The following CACNA1H variants were observed in gnomAD, a reference collection of about 807,000 sequenced individuals.
The protein encoded by CACNA1H is voltage-dependent T-type calcium channel subunit alpha-1H.
Under a neutral mutation model 192.5 loss-of-function variants are expected in CACNA1H, and 149 were observed. The ratio of observed to expected loss-of-function variants is 0.77; its 90% CI spans 0.68 to 0.89. The LOEUF (loss-of-function observed/expected upper bound fraction) is 0.89. Among genes scored for constraint, CACNA1H ranks in the 40% least tolerant of loss-of-function variants. CACNA1H has a pLI of 0.00. For synonymous variants in CACNA1H, 2,202 were observed against 1,475.2 expected, an observed-to-expected ratio of 1.49 and a Z score of -11.29; for missense variants, 4,257 against 3,423.5, an observed-to-expected ratio of 1.24 and a Z score of -6.08.
chr16:1,182,171 T>G (rs755662677), intron 2 of CACNA1H, among the ~76,000 whole-genome samples: 3 of 152,136 alleles, frequency 2.0e-5, no homozygotes, highest in Admixed American at 6.5e-5. Context: ...TGTGATTGTT[T>G]TGGCCCCTCC....
chr16:1,182,500 CGGCTGG>C (rs961356385), intron 2 of CACNA1H, among the ~76,000 whole-genome samples: 8 of 152,138 alleles, frequency 5.3e-5, no homozygotes, highest in Non-Finnish European at 1.2e-4. Flanking sequence ...CCCGCGGCGC[CGGCTGG>C]AGACAAACAC....
At chr16:1,206,675 C>A in intron 12 of CACNA1H, 1 of 425,530 alleles carries the variant, frequency 2.4e-6, no homozygotes, top group South Asian at 3.1e-5. Context: ...CCAGGCAGGC[C>A]GGGCTTTCAC....
chr16:1,188,913 C>T (rs1266914316), intron 2 of CACNA1H, among the ~76,000 whole-genome samples: 1 of 152,226 alleles, frequency 6.6e-6, no homozygotes, highest in African/African-American at 2.4e-5. Flanking sequence ...CACTGCCCGC[C>T]CTGCGTCCAC....
chr16:1,172,174 G>A (rs941919805), intron 2 of CACNA1H, among the ~76,000 whole-genome samples: 3 of 152,202 alleles, frequency 2.0e-5, no homozygotes, highest in Non-Finnish European at 4.4e-5. Flanking sequence ...AGGGGCGAGA[G>A]TGGCTGCGTG....
At chr16:1,188,867 C>G (rs1391717234) in intron 2 of CACNA1H, among the ~76,000 whole-genome samples, 2 of 152,230 alleles carry the variant, frequency 1.3e-5, no homozygotes, top group Non-Finnish European at 2.9e-5. Flanking sequence ...CCAGGCGAGG[C>G]TGCTGATTCA....
chr16:1,194,792 G>A (rs1052390241), intron 2 of CACNA1H, among the ~76,000 whole-genome samples, 180 bp from the exon 3 acceptor site: 23 of 152,242 alleles, frequency 1.5e-4, no homozygotes, highest in African/African-American at 5.1e-4. Flanking sequence ...GGCCCCAGGC[G>A]CCACCTGGTG....
intron 12 of CACNA1H, chr16:1,206,637 G>A (rs910052092): frequency 2.4e-6 from 1 of 422,138 alleles, no homozygotes; most frequent in Non-Finnish European, 4.3e-6. Flanking sequence ...CTGGAGCTCA[G>A]GGTCAGGGTC....
At position 1,213,775 on chromosome 16, in the gene CACNA1H, C is replaced by A. The variant is rs72552061; in HGVS notation, c.4778-5C>A. The A allele has an allele frequency of 1.3e-6, 2 of 1,547,638 alleles. No individual in the cohort carries two copies. Among genetic ancestry groups the A allele is most frequent in the Non-Finnish European group, 8.7e-7 (1 of 1,148,692 alleles). ...GCCCGGCGCTCATGGCCGCCCTCCC[C>A]GCAGAGGCCCAGCGCCGGCCCTACT... On this transcript the variant is annotated splice_region_variant and splice_polypyrimidine_tract_variant and intron_variant, in intron 26 of 34. Transcript: ENST00000348261.
At chr16:1,165,571 A>G (rs1412228718) in intron 2 of CACNA1H, among the ~76,000 whole-genome samples, 3 of 152,090 alleles carry the variant, frequency 2.0e-5, no homozygotes, top group Admixed American at 6.5e-5. Flanking sequence ...GCATCTGGGC[A>G]TGGGAATTCA....
At chr16:1,208,904 C>G in intron 16 of CACNA1H, 128 bp from the exon 17 acceptor site, 1 of 1,022,230 alleles carries the variant, frequency 9.8e-7, no homozygotes, top group Non-Finnish European at 1.3e-6. Context: ...CAGCCTCCAC[C>G]GTGCCTCCCT....
At chr16:1,197,991 G>A (rs901336337) in intron 5 of CACNA1H, among the ~76,000 whole-genome samples, 3 of 152,124 alleles carry the variant, frequency 2.0e-5, no homozygotes, top group African/African-American at 7.2e-5. Flanking sequence ...AGCCGCTGCC[G>A]GTCCTCCCCA....
At position 1,220,075 on chromosome 16, in the gene CACNA1H, C is replaced by T. The variant is rs535814707; in HGVS notation, c.6143C>T (p.Pro2048Leu). The T allele has an allele frequency of 1.6e-5, 23 of 1,446,134 alleles. No homozygotes were observed. The East Asian group carries it at 1.9e-4, about 12-fold the overall frequency. The allele number at this position is 1,446,134 out of a possible 1,614,324, so 89.6% of individuals were successfully genotyped here. The change falls in exon 35 of 35, where the codon CCG becomes CTG. Residue 2048 changes from proline to leucine, a missense_variant. Transcript: ENST00000348261. Reference sequence around the variant, plus strand: ...CCTGGTGAGAAAACCCCGGTGAGGCCGGTGACCCAGGGGGGCTCCCTGCAG... The same window carrying T: ...CCTGGTGAGAAAACCCCGGTGAGGCTGGTGACCCAGGGGGGCTCCCTGCAG... ...AEPGEKTPVRPVTQGGSLQSP... is the reference protein window; with the variant it reads ...AEPGEKTPVRLVTQGGSLQSP...
At chr16:1,185,215 C>T (rs956022578) in intron 2 of CACNA1H, among the ~76,000 whole-genome samples, 27 of 152,284 alleles carry the variant, frequency 1.8e-4, no homozygotes, top group Admixed American at 3.9e-4. Context: ...AATATTCCAG[C>T]GTGTGACCAG....
chr16:1,221,367 T>TG lies in CACNA1H; in HGVS notation c.*378dup. ...CCCCGCGTTGTTACAGGACACTCGC[T>TG]GGGGGCCCTGTGCCCTTGCCGGCGG... is the stretch of plus-strand genomic sequence containing the variant. On this transcript the variant is annotated 3_prime_UTR_variant, in exon 35 of 35. Coordinates refer to ENST00000348261, the MANE Select transcript of CACNA1H (RefSeq NM_021098.3). 2 of 321,544 alleles carry TG rather than the reference T, an allele frequency of 6.2e-6. No homozygotes were observed. The highest frequency in any genetic ancestry group is 4.6e-5 in the Admixed American group (1 of 21,714). 19.9% of individuals were successfully genotyped at this position (321,544 alleles called of 1,614,324 possible).
rs150200429 is a variant in CACNA1H, at chr16:1,200,694, A to C, written c.1120-22A>C. On this transcript the variant is annotated intron_variant, in intron 7 of 34. Coordinates refer to ENST00000348261, the MANE Select transcript of CACNA1H (RefSeq NM_021098.3). Reference sequence around the variant, plus strand: ...GAGGAGGAGGGGTCGTGCGGGCCCAAGTCAAGCCACTGCCCCCCCAGGTGA... The same window carrying C: ...GAGGAGGAGGGGTCGTGCGGGCCCACGTCAAGCCACTGCCCCCCCAGGTGA... 2.0e-4 allele frequency: 313 copies of C among 1,566,300 alleles called. 3 individuals carry two copies. In the East Asian group the frequency reaches 6.1e-3, roughly 31 times the overall value.
rs1381031509 is a variant in CACNA1H at position 1,206,200 on chromosome 16, C to T, written c.2700C>T (p.Ala900=). ...TGAAGCTGGTGCGCTTTCTGCCAGC[C>T]CTGCGGCGCCAGCTCGTGGTGCTGG... The part of the protein sequence containing the change: ...RVLKLVRFLP[A]LRRQLVVLVK... Residue 900 remains alanine (A), a synonymous_variant, in exon 12 of 35, where the codon GCC becomes GCT. Transcript: ENST00000348261. 5.0e-6 allele frequency: 8 copies of T among 1,594,180 alleles called. No homozygotes were observed. The highest frequency in any genetic ancestry group is 2.3e-5 in the East Asian group (1 of 43,970).
intron 2 of CACNA1H, among the ~76,000 whole-genome samples, chr16:1,186,896 A>G (rs1432750214): frequency 1.3e-5 from 2 of 152,024 alleles, no homozygotes; most frequent in Non-Finnish European, 2.9e-5. Context: ...GGTCCTTTGG[A>G]GCTGCCGCGG....
intron 2 of CACNA1H, among the ~76,000 whole-genome samples, chr16:1,166,114 C>G (rs1963745191): frequency 6.6e-6 from 1 of 152,238 alleles, no homozygotes; most frequent in African/African-American, 2.4e-5. Flanking sequence ...TTTTCTCACT[C>G]AGACTCAGAG....
chr16:1,205,334 G>A, intron 11 of CACNA1H, 69 bp downstream of exon 11: 2 of 1,482,588 alleles, frequency 1.3e-6, no homozygotes, highest in Non-Finnish European at 9.2e-7. Flanking sequence ...AATCCCACCT[G>A]CAGAGCAAAA....
Sources: allele counts gnomAD v4.1 joint callset (sites outside exome capture counted in the v4.1 genomes callset), GRCh38; gene constraint gnomAD v4.1.1; transcripts MANE v1.5; gene names NCBI Gene and HGNC (gene_info 2026-07-23, HGNC 2026-07-21).